The following SMCHD1 variants were observed in gnomAD, a reference collection of about 807,000 sequenced individuals.
SMCHD1 encodes the protein structural maintenance of chromosomes flexible hinge domain-containing protein 1.
In SMCHD1, 78 loss-of-function variants were observed where a neutral mutation model predicts 254.7. The ratio of observed to expected loss-of-function variants is 0.31; its 90% CI spans 0.26 to 0.37. The LOEUF (loss-of-function observed/expected upper bound fraction) is 0.37. Ranked by LOEUF, SMCHD1 falls within the 10% of genes least tolerant of loss-of-function variation. The pLI, the probability that SMCHD1 is intolerant of heterozygous loss-of-function variation, is 1.00. For missense variants in SMCHD1, 1,840 were observed against 2,408.1 expected (o/e 0.76, Z 4.94); for synonymous variants, 766 against 794.9 (o/e 0.96, Z 0.61).
In SMCHD1 at chr18:2,751,269, C is replaced by T. The variant is rs778265654; in HGVS notation, c.4166-9C>T. On this transcript the variant is annotated splice_polypyrimidine_tract_variant and intron_variant, in intron 32 of 47. Transcript: ENST00000320876. ...GAAAGAGATAATTTTTTAACGTTTA[C>T]CATGACAGATTTTATGATTAGTGTT... The T allele has an allele frequency of 8.8e-6, 13 of 1,473,028 alleles. No individual in the cohort carries two copies. The highest frequency in any genetic ancestry group is 1.7e-4 in the Middle Eastern group (1 of 5,760). The allele number at this position is 1,473,028 out of a possible 1,614,324, so 91.2% of individuals were successfully genotyped here. A position where few individuals can be genotyped will look rare whatever the true frequency, so the allele number is the denominator to read the frequency against.
intron 42 of SMCHD1, among the ~76,000 whole-genome samples, chr18:2,777,056 A>ACCCCCCCCCCCCCCCC (rs140799401): frequency 1.1e-5 from 1 of 90,630 alleles, no homozygotes; most frequent in Non-Finnish European, 2.9e-5. Context: ...GGCATGCACC[A>ACCCCCCCCCCCCCCCC]CCACCTCCCC....
At chr18:2,711,481 C>CTTTTT (rs752950626) in intron 17 of SMCHD1, among the ~76,000 whole-genome samples, 13 of 112,470 alleles carry the variant, frequency 1.2e-4, no homozygotes, top group East Asian at 5.0e-4. Context: ...GGATGTTTGT[C>CTTTTT]TTTTTTTTTT....
At chr18:2,795,895 A>G (rs2076254521) in intron 45 of SMCHD1, 54 bp from the exon 46 acceptor site, 1 of 1,476,210 alleles carries the variant, frequency 6.8e-7, no homozygotes, top group East Asian at 2.5e-5. Flanking sequence ...CCCCTAAAAC[A>G]TGAGTTTGGT....
chr18:2,791,842 G>A (rs890805683), intron 45 of SMCHD1, among the ~76,000 whole-genome samples: 28 of 152,282 alleles, frequency 1.8e-4, no homozygotes, highest in Non-Finnish European at 3.7e-4. Flanking sequence ...GAGAGTGAGC[G>A]AGCTCTAGAA....
At chr18:2,681,534 A>ACTGCGCCAC (rs2073925894) in intron 5 of SMCHD1, among the ~76,000 whole-genome samples, 1 of 147,900 alleles carries the variant, frequency 6.8e-6, no homozygotes. Flanking sequence ...GCAGTAATCC[A>ACTGCGCCAC]TGATCACGCC....
intron 47 of SMCHD1, among the ~76,000 whole-genome samples, chr18:2,799,765 C>T (rs1350459239): frequency 2.0e-5 from 3 of 151,248 alleles, no homozygotes; most frequent in African/African-American, 7.3e-5. Flanking sequence ...TAATTGCCAC[C>T]TTTTTTTTTC....
intron 31 of SMCHD1, 25 bp from the exon 32 acceptor site, chr18:2,750,325 C>T: frequency 6.3e-7 from 1 of 1,581,230 alleles, no homozygotes; most frequent in Non-Finnish European, 8.6e-7. Flanking sequence ...GTAATTTGAA[C>T]CCCTCTCCTC....
chr18:2,802,417 T>C, intron 47 of SMCHD1, 111 bp from the exon 48 acceptor site: 1 of 768,180 alleles, frequency 1.3e-6, no homozygotes, highest in Non-Finnish European at 2.1e-6. Flanking sequence ...AAGAATTATA[T>C]TTAAAAGAAT....
intron 44 of SMCHD1, among the ~76,000 whole-genome samples, chr18:2,782,008 T>C (rs989711875): frequency 2.6e-5 from 4 of 152,204 alleles, no homozygotes; most frequent in African/African-American, 9.6e-5. Context: ...TTTGCAAAAA[T>C]GTTGTAGCAC....
intron 37 of SMCHD1, among the ~76,000 whole-genome samples, chr18:2,765,501 T>G (rs777289075): frequency 6.6e-6 from 1 of 152,234 alleles, no homozygotes; most frequent in African/African-American, 2.4e-5. Context: ...GACTTGTCAA[T>G]TGGTCTGGCA....
intron 7 of SMCHD1, among the ~76,000 whole-genome samples, chr18:2,690,562 C>T (rs1441301811): frequency 6.8e-6 from 1 of 146,936 alleles, no homozygotes; most frequent in Non-Finnish European, 1.5e-5. Context: ...ACCTCTGCCT[C>T]CCTGGTTGAA....
At chr18:2,759,196 A>G (rs72866514) in intron 34 of SMCHD1, among the ~76,000 whole-genome samples, 1,538 of 152,280 alleles carry the variant, frequency 0.01, 14 homozygotes, top group Non-Finnish European at 0.016. Context: ...ATTTATGAAT[A>G]TTTATAGAAA....
chr18:2,700,752 C>T lies in SMCHD1; in HGVS notation c.1481C>T (p.Pro494Leu). 1.2e-6 allele frequency: 2 copies of T among 1,610,600 alleles called. No homozygotes were observed. The highest frequency in any genetic ancestry group is 8.5e-7 in the Non-Finnish European group (1 of 1,178,348). Residue 494 changes from proline (P) to leucine (L), a missense_variant, in exon 12 of 48, where the codon CCT becomes CTT. Transcript: ENST00000320876. ...TSVEDFDWCT[P>L]PKKRGLAPIE... ...TGTTCAAGCTTTGACTGGTGTACTC[C>T]TCCTAAGAAGAGAGGGCTTGCACCA... is the stretch of plus-strand genomic sequence containing the variant.
intron 3 of SMCHD1, 103 bp from the exon 4 acceptor site, chr18:2,673,178 A>G: frequency 7.2e-7 from 1 of 1,393,876 alleles, no homozygotes; most frequent in South Asian, 1.7e-5. Context: ...CTTTAATTCT[A>G]GCTCTTTGGC....
chr18:2,791,926 A>G (rs2076173468), intron 45 of SMCHD1, among the ~76,000 whole-genome samples: 1 of 152,230 alleles, frequency 6.6e-6, no homozygotes, highest in African/African-American at 2.4e-5. Context: ...ACCCAAGGCC[A>G]GAAAGAAACA....
intron 44 of SMCHD1, among the ~76,000 whole-genome samples, chr18:2,782,021 A>T (rs547100869): frequency 1.8e-4 from 28 of 152,342 alleles, no homozygotes; most frequent in African/African-American, 6.5e-4. Context: ...TGTAGCACAT[A>T]CGTGACAAAA....
rs575631524 is a variant in SMCHD1, at chr18:2,678,860, T to G, written c.638+4715T>G. On this transcript the variant is annotated intron_variant, in intron 5 of 47. Coordinates refer to ENST00000320876, the MANE Select transcript of SMCHD1 (RefSeq NM_015295.3). Reference sequence around the variant, plus strand: ...TTTTGTTTGTTTGTTTTTTTGTTTTTTTTTTTGAGAGGGAGTCTTGCTCTG... The same window carrying G: ...TTTTGTTTGTTTGTTTTTTTGTTTTGTTTTTTGAGAGGGAGTCTTGCTCTG... Among the ~76,000 whole-genome samples the G allele has an allele frequency of 3.3e-3, 441 of 134,516 alleles. 2 individuals carry two copies. The highest frequency in any genetic ancestry group is 6.6e-3 in the African/African-American group (252 of 38,436). 88.2% of individuals were successfully genotyped at this position (134,516 alleles called of 152,430 possible).
chr18:2,658,911 T>G (rs1374397509), intron 1 of SMCHD1, among the ~76,000 whole-genome samples: 1 of 148,278 alleles, frequency 6.7e-6, no homozygotes, highest in Non-Finnish European at 1.5e-5. Flanking sequence ...TGTATACGCA[T>G]ATATACATAT....
At chr18:2,668,537 A>G (rs2073502093) in intron 3 of SMCHD1, among the ~76,000 whole-genome samples, 1 of 152,130 alleles carries the variant, frequency 6.6e-6, no homozygotes, top group Non-Finnish European at 1.5e-5. Context: ...TATAACTAGT[A>G]TATTTATTAC....
Sources: allele counts gnomAD v4.1 joint callset (sites outside exome capture counted in the v4.1 genomes callset), GRCh38; gene constraint gnomAD v4.1.1; transcripts MANE v1.5; gene names NCBI Gene and HGNC (gene_info 2026-07-23, HGNC 2026-07-21).